The following MAGOHB variants were observed in gnomAD, a reference collection of about 807,000 sequenced individuals.
MAGOHB encodes the protein protein mago nashi homolog 2.
MAGOHB carries 15 observed loss-of-function variants against 20.9 expected under a neutral mutation model. The observed-to-expected ratio is 0.72, with a 90% CI of 0.48 to 1.11. MAGOHB has a LOEUF of 1.11. Ranked by LOEUF, MAGOHB falls within the 50% of genes least tolerant of loss-of-function variation. The pLI is 0.00. For missense variants in MAGOHB, 162 were observed against 177.6 expected (o/e 0.91, Z 0.50); for synonymous variants, 50 against 57.9 (o/e 0.86, Z 0.62).
At chr12:10,610,777 C>A in intron 1 of MAGOHB, 97 bp from the exon 2 acceptor site, 1 of 1,085,604 alleles carries the variant, frequency 9.2e-7, no homozygotes, top group Non-Finnish European at 1.3e-6. Context: ...TTTTATACTA[C>A]TATTTTTATT....
In MAGOHB at chr12:10,610,630, T is replaced by C. The variant is rs1393526640; in HGVS notation, c.145A>G (p.Arg49Gly). The change falls in exon 2 of 5, where the codon AGA becomes GGA. Residue 49 changes from arginine to glycine, a missense_variant. Arg to Gly is a moderately radical substitution (Grantham distance 125). Coordinates refer to ENST00000320756, the MANE Select transcript of MAGOHB (RefSeq NM_018048.5). ...NSNYKNDVMIRKEAYVHKSVM... is the reference protein window; with the variant it reads ...NSNYKNDVMIGKEAYVHKSVM... Reference sequence around the variant, plus strand: ...ATTCACATAGAACTTACCTCTTTTCTGATCATGACATCATTTTTGTAATTG... The same window carrying C: ...ATTCACATAGAACTTACCTCTTTTCCGATCATGACATCATTTTTGTAATTG... 2 of 1,555,640 alleles carry C rather than the reference T, an allele frequency of 1.3e-6. No individual in the cohort carries two copies. The highest frequency in any genetic ancestry group is 2.1e-5 in the Admixed American group (1 of 47,914).
chr12:10,608,653 T>A (rs1289174563), intron 3 of MAGOHB: 1 of 150,458 alleles, frequency 6.6e-6, no homozygotes, highest in Non-Finnish European at 1.5e-5. Context: ...GTGCTGTAAT[T>A]ACTGTATAGA....
chr12:10,608,713 C>T (rs1433164537), intron 3 of MAGOHB: 1 of 151,544 alleles, frequency 6.6e-6, no homozygotes, highest in African/African-American at 2.4e-5. Context: ...AATTAAAAAG[C>T]TATATCTGTA....
chr12:10,610,518 T>C (rs1865706139), intron 2 of MAGOHB, 104 bp downstream of exon 2: 4 of 1,283,218 alleles, frequency 3.1e-6, no homozygotes, highest in Non-Finnish European at 4.1e-6. Context: ...TTCTTTACAA[T>C]ATAGCCTTAG....
downstream of MAGOHB, among the ~76,000 whole-genome samples, chr12:10,601,806 C>A (rs114100107): frequency 1.3e-5 from 2 of 152,218 alleles, no homozygotes; most frequent in African/African-American, 2.4e-5. Flanking sequence ...GTATCACACG[C>A]TTCATAGGCT....
At chr12:10,613,390 C>A in intron 1 of MAGOHB, 49 bp downstream of exon 1, 2 of 1,539,164 alleles carry the variant, frequency 1.3e-6, no homozygotes, top group South Asian at 1.1e-5. Context: ...CCCGGCCTCT[C>A]GGTCTCGCTC....
At chr12:10,612,915 A>G in intron 1 of MAGOHB, 1 of 1,289,094 alleles carries the variant, frequency 7.8e-7, no homozygotes, top group African/African-American at 1.5e-5. Context: ...CTCTAAGAAG[A>G]TCTTCCTGAC....
At chr12:10,603,295 C>CA (rs766050357), downstream of MAGOHB, among the ~76,000 whole-genome samples, 285 of 120,962 alleles carry the variant, frequency 2.4e-3, no homozygotes, top group Admixed American at 4.9e-3. Context: ...GCCTGGGTGA[C>CA]AGAGGGAGAC....
In MAGOHB at chr12:10,609,909, C is replaced by T. The variant is rs1342423911; in HGVS notation, c.186G>A (p.Leu62=). 6.2e-7 allele frequency: 1 copy of T among 1,611,310 alleles called. No individual in the cohort carries two copies. Among genetic ancestry groups the T allele is most frequent in the Non-Finnish European group, 8.5e-7 (1 of 1,178,534 alleles). Reference sequence around the variant, plus strand: ...TTTCACTGTCATCAATAATTCTCTTCAGTTCTTCCATTACACTCTTGTGCA... The same window carrying T: ...TTTCACTGTCATCAATAATTCTCTTTAGTTCTTCCATTACACTCTTGTGCA... The part of the protein sequence containing the change: ...AYVHKSVMEE[L]KRIIDDSEIT... Residue 62 remains leucine (L), a synonymous_variant, in exon 3 of 5, where the codon CTG becomes CTA. Transcript: ENST00000320756.
chr12:10,603,558 AAAG>A (rs1865576289), downstream of MAGOHB, among the ~76,000 whole-genome samples: 1 of 151,624 alleles, frequency 6.6e-6, no homozygotes, highest in African/African-American at 2.4e-5. Flanking sequence ...CAAAAAAAAA[AAAG>A]GATTCCCGAT....
chr12:10,607,673 T>C (rs1003414285), intron 4 of MAGOHB, among the ~76,000 whole-genome samples, 181 bp downstream of exon 4: 1 of 152,204 alleles, frequency 6.6e-6, no homozygotes, highest in Non-Finnish European at 1.5e-5. Flanking sequence ...AATGAAATAC[T>C]CTGCTAACTT....
intron 3 of MAGOHB, chr12:10,609,589 C>T (rs1423943403): frequency 9.9e-6 from 5 of 507,386 alleles, no homozygotes; most frequent in South Asian, 2.4e-5. Flanking sequence ...AACATCCTAA[C>T]GTTGGCTGGG....
chr12:10,606,396 G>T, intron 4 of MAGOHB, 22 bp from the exon 5 acceptor site: 2 of 1,348,378 alleles, frequency 1.5e-6, no homozygotes, highest in Non-Finnish European at 2.1e-6. Flanking sequence ...AAAGGTAAAA[G>T]TTACTTTTTC....
At chr12:10,608,060 G>T (rs1865661053) in intron 3 of MAGOHB, 124 bp from the exon 4 acceptor site, 1 of 584,150 alleles carries the variant, frequency 1.7e-6, no homozygotes, top group South Asian at 2.2e-5. Flanking sequence ...AGGGAGTGGG[G>T]GGCGAGGGGG....
intron 1 of MAGOHB, among the ~76,000 whole-genome samples, chr12:10,611,309 G>A (rs1865730094): frequency 6.6e-6 from 1 of 152,198 alleles, no homozygotes; most frequent in South Asian, 2.1e-4. Flanking sequence ...CAAAGTTGAT[G>A]AGTTTGTTAG....
At position 10,609,935 on chromosome 12, in the gene MAGOHB, C is replaced by T. The variant is rs1865693826; in HGVS notation, c.160G>A (p.Val54Met). 6.3e-7 allele frequency: 1 copy of T among 1,579,574 alleles called. No homozygotes were observed. Among genetic ancestry groups the T allele is most frequent in the Non-Finnish European group, 8.6e-7 (1 of 1,157,466 alleles). ...AGTTCTTCCATTACACTCTTGTGCA[C>T]ATAAGCCTAAAAATTAATCATAATA... ...NDVMIRKEAY[V>M]HKSVMEELKR... The change falls in exon 3 of 5, where the codon GTG becomes ATG. Residue 54 changes from valine to methionine, a missense_variant. Transcript: ENST00000320756.
intron 3 of MAGOHB, chr12:10,608,667 T>C (rs772859370): frequency 6.6e-6 from 1 of 151,628 alleles, no homozygotes; most frequent in Non-Finnish European, 1.5e-5. Flanking sequence ...GTATAGATTT[T>C]TCCCTATATT....
intron 1 of MAGOHB, among the ~76,000 whole-genome samples, chr12:10,611,501 A>G (rs558297784): frequency 6.6e-6 from 1 of 151,880 alleles, no homozygotes; most frequent in South Asian, 2.1e-4. Context: ...AATCCCAGCA[A>G]TTTGGGAGGC....
At chr12:10,601,921 A>C (rs1211640605), downstream of MAGOHB, among the ~76,000 whole-genome samples, 3 of 152,210 alleles carry the variant, frequency 2.0e-5, no homozygotes, top group Non-Finnish European at 4.4e-5. Context: ...TAGGGGAAAC[A>C]CCAGGACTGC....
Sources: allele counts gnomAD v4.1 joint callset (sites outside exome capture counted in the v4.1 genomes callset), GRCh38; gene constraint gnomAD v4.1.1; transcripts MANE v1.5; gene names NCBI Gene and HGNC (gene_info 2026-07-23, HGNC 2026-07-21).